Variants in MARCHF1 observed in about 807,000 individuals in gnomAD.
The protein encoded by MARCHF1 is membrane associated ring-CH-type finger 1.
A neutral mutation model predicts 54.2 loss-of-function variants in MARCHF1; 40 were observed. The observed-to-expected ratio is 0.74, with a 90% CI of 0.57 to 0.96. The LOEUF (loss-of-function observed/expected upper bound fraction) is 0.96. Ranked by LOEUF, MARCHF1 falls within the 40% of genes least tolerant of loss-of-function variation. MARCHF1 has a pLI of 0.00. For missense variants in MARCHF1, 586 were observed against 656.5 expected, an observed-to-expected ratio of 0.89 and a Z score of 1.17; for synonymous variants, 236 against 236.3, an observed-to-expected ratio of 1.00 and a Z score of 0.01.
At chr4:163,760,992 A>G (rs1192235868) in intron 4 of MARCHF1, among the ~76,000 whole-genome samples, 1 of 152,160 alleles carries the variant, frequency 6.6e-6, no homozygotes, top group Non-Finnish European at 1.5e-5. Flanking sequence ...GAAAACGTTT[A>G]ACAATATGAG....
At chr4:164,182,923 G>C (rs114403469) in intron 1 of MARCHF1, among the ~76,000 whole-genome samples, 1,748 of 152,050 alleles carry the variant, frequency 0.011, 33 homozygotes, top group African/African-American at 0.04. Flanking sequence ...TCAAATGATA[G>C]AGTCTCAGAA....
At chr4:163,732,444 G>T (rs1321776415) in intron 4 of MARCHF1, among the ~76,000 whole-genome samples, 3 of 151,842 alleles carry the variant, frequency 2.0e-5, no homozygotes, top group African/African-American at 7.3e-5. Context: ...CCTTAGTGAA[G>T]AAAAGAGAGG....
chr4:163,673,102 T>C (rs1427635848), intron 5 of MARCHF1, among the ~76,000 whole-genome samples: 3 of 152,220 alleles, frequency 2.0e-5, no homozygotes, highest in Non-Finnish European at 2.9e-5. Flanking sequence ...GAAGTGGCTA[T>C]CTTTGAAGGG....
intron 9 of MARCHF1, chr4:163,530,271 C>A (rs1279079443): frequency 6.6e-6 from 1 of 151,942 alleles, no homozygotes; most frequent in Non-Finnish European, 1.5e-5. Context: ...CTTATAATCC[C>A]AGATCCCCAG....
chr4:163,805,632 C>T (rs115739815), intron 4 of MARCHF1, among the ~76,000 whole-genome samples: 1,659 of 152,242 alleles, frequency 0.011, 32 homozygotes, highest in African/African-American at 0.038. Flanking sequence ...CAGGCTCCAA[C>T]GATAGGCCAT....
chr4:163,889,708 C>T (rs146268208), intron 3 of MARCHF1, among the ~76,000 whole-genome samples: 8 of 152,052 alleles, frequency 5.3e-5, no homozygotes, highest in Non-Finnish European at 1.5e-5. Context: ...ATCCTATTTC[C>T]CTTTTCTGAC....
At chr4:164,116,401 T>C (rs4691956) in intron 1 of MARCHF1, among the ~76,000 whole-genome samples, 106,012 of 152,068 alleles carry the variant, frequency 0.7, 38,669 homozygotes, top group Non-Finnish European at 0.83. Context: ...GGCCACTCCA[T>C]TGCACTGAAT....
chr4:163,682,300 G>C (rs1744130115), intron 5 of MARCHF1, among the ~76,000 whole-genome samples: 1 of 152,174 alleles, frequency 6.6e-6, no homozygotes, highest in East Asian at 1.9e-4. Context: ...CAATGTGATA[G>C]AAAAGGAAAA....
At chr4:164,217,497 G>A (rs1420398526) in intron 1 of MARCHF1, among the ~76,000 whole-genome samples, 3 of 152,122 alleles carry the variant, frequency 2.0e-5, no homozygotes, top group African/African-American at 4.8e-5. Flanking sequence ...ATTGAGGATG[G>A]CCAATTAGGG....
At chr4:164,103,203 C>A (rs932409916) in intron 2 of MARCHF1, among the ~76,000 whole-genome samples, 1 of 68,358 alleles carries the variant, frequency 1.5e-5, no homozygotes, top group Non-Finnish European at 3.5e-5. Context: ...TTAGACAGAT[C>A]AACGAGACAG....
chr4:164,237,180 A>C (rs1478679560), intron 1 of MARCHF1, among the ~76,000 whole-genome samples: 1 of 152,102 alleles, frequency 6.6e-6, no homozygotes, highest in Non-Finnish European at 1.5e-5. Context: ...CTGATGACAT[A>C]ATTTTATTTC....
chr4:163,706,364 T>C (rs1428097180), intron 4 of MARCHF1, among the ~76,000 whole-genome samples: 1 of 152,022 alleles, frequency 6.6e-6, no homozygotes, highest in Non-Finnish European at 1.5e-5. Flanking sequence ...CTCTAAACTC[T>C]CATCAGAGAG....
intron 1 of MARCHF1, among the ~76,000 whole-genome samples, chr4:164,240,300 G>A (rs897828571): frequency 2.6e-5 from 4 of 152,190 alleles, no homozygotes; most frequent in African/African-American, 9.7e-5. Flanking sequence ...GTACCAGCAC[G>A]TGGGAGTAGC....
chr4:164,307,922 G>A (rs1183181696), intron 1 of MARCHF1, among the ~76,000 whole-genome samples: 1 of 152,164 alleles, frequency 6.6e-6, no homozygotes, highest in Non-Finnish European at 1.5e-5. Flanking sequence ...CTGTGGTGCT[G>A]TAAATGCTTT....
intron 2 of MARCHF1, among the ~76,000 whole-genome samples, chr4:164,053,050 C>T (rs6536781): frequency 0.13 from 19,283 of 152,044 alleles, 1,266 homozygotes; most frequent in East Asian, 0.21. Flanking sequence ...ATTTGGCAGT[C>T]AACAACTCAA....
chr4:163,922,057 A>C (rs1358994659), intron 3 of MARCHF1, among the ~76,000 whole-genome samples: 1 of 152,182 alleles, frequency 6.6e-6, no homozygotes, highest in Non-Finnish European at 1.5e-5. Context: ...TGATGAGTAC[A>C]TGTCCTTTGT....
rs189329596 is a variant in MARCHF1 at position 164,263,535 on chromosome 4, T to C, written c.-323+120335A>G. Among the ~76,000 whole-genome samples the C allele has an allele frequency of 2.4e-4, 37 of 152,270 alleles. 1 individual carries two copies. The highest frequency in any genetic ancestry group is 6.8e-3 in the Middle Eastern group (2 of 294). The stretch of plus-strand genomic sequence containing the variant: ...TATTAGTCTCCCCAGTAGTTGGGAT[T>C]ACTAGCATATGCCACCATGTCCACC... On this transcript the variant is annotated intron_variant, in intron 1 of 9. Transcript: ENST00000514618.
At chr4:164,189,136 C>A in intron 1 of MARCHF1, 1 of 637,722 alleles carries the variant, frequency 1.6e-6, no homozygotes. Flanking sequence ...TACTCATCTG[C>A]GTGCAGAAGA....
At chr4:164,022,947 A>C (rs1410832432) in intron 2 of MARCHF1, among the ~76,000 whole-genome samples, 2 of 152,174 alleles carry the variant, frequency 1.3e-5, no homozygotes, top group Admixed American at 6.5e-5. Flanking sequence ...GAATCCTGGG[A>C]GCACTTTCCT....
Sources: gnomAD v4.1 joint callset for allele counts (sites outside exome capture counted in the v4.1 genomes callset) on GRCh38, gnomAD v4.1.1 for gene constraint, MANE v1.5 for transcripts, NCBI Gene and HGNC (gene_info 2026-07-23, HGNC 2026-07-21) for gene names.